The following SLC25A26 variants were observed in gnomAD, a reference collection of about 807,000 sequenced individuals.
SLC25A26 encodes solute carrier family 25 member 26, also known as mitochondrial S-adenosylmethionine carrier protein.
A neutral mutation model predicts 37.8 loss-of-function variants in SLC25A26; 36 were observed. The observed-to-expected ratio is 0.95, with a 90% CI of 0.73 to 1.26. SLC25A26 has a LOEUF of 1.26. Ranked by LOEUF, SLC25A26 falls within the 50% of genes most tolerant of loss-of-function variation. The pLI is 0.00. For synonymous variants in SLC25A26, 129 were observed against 122.5 expected (o/e 1.05, Z -0.35); for missense variants, 390 against 331.1 (o/e 1.18, Z -1.38).
At chr3:66,286,142 A>T (rs1350129234) in intron 5 of SLC25A26, among the ~76,000 whole-genome samples, 1 of 152,178 alleles carries the variant, frequency 6.6e-6, no homozygotes, top group Non-Finnish European at 1.5e-5. Context: ...ATTTTCTAAT[A>T]ATCTGTAACT....
intron 1 of SLC25A26, among the ~76,000 whole-genome samples, chr3:66,213,972 A>T (rs922392507): frequency 2.6e-5 from 4 of 152,178 alleles, no homozygotes; most frequent in African/African-American, 9.6e-5. Context: ...ATCTGTCTCA[A>T]AAAAAAGTAA....
chr3:66,349,999 A>T (rs1167578257), intron 6 of SLC25A26, among the ~76,000 whole-genome samples: 4 of 152,198 alleles, frequency 2.6e-5, no homozygotes, highest in Admixed American at 2.0e-4. Context: ...TGTTTTTTAA[A>T]CATCTGAACG....
intron 5 of SLC25A26, among the ~76,000 whole-genome samples, chr3:66,308,728 A>G (rs572703587): frequency 3.6e-4 from 55 of 152,194 alleles, no homozygotes; most frequent in Non-Finnish European, 6.3e-4. Context: ...TGTTTTTAGC[A>G]TGAAGGGGTG....
At chr3:66,273,004 G>C (rs974625644) in intron 5 of SLC25A26, among the ~76,000 whole-genome samples, 19 of 152,210 alleles carry the variant, frequency 1.2e-4, no homozygotes, top group Non-Finnish European at 2.5e-4. Context: ...TAGCATGAAG[G>C]GTTTTTGAAT....
At chr3:66,238,750 A>C (rs1457971967) in intron 2 of SLC25A26, among the ~76,000 whole-genome samples, 1 of 152,140 alleles carries the variant, frequency 6.6e-6, no homozygotes, top group Admixed American at 6.5e-5. Flanking sequence ...ACGTATATTC[A>C]GTAAGTGGAA....
At chr3:66,148,917 G>A (rs1413551708) in intron 1 of SLC25A26, among the ~76,000 whole-genome samples, 1 of 152,166 alleles carries the variant, frequency 6.6e-6, no homozygotes, top group Non-Finnish European at 1.5e-5. Context: ...ATTAGGGTTT[G>A]AATGCATCTT....
intron 1 of SLC25A26, among the ~76,000 whole-genome samples, chr3:66,224,430 ACCATCAGAT>A (rs1161688296): frequency 6.6e-6 from 1 of 152,212 alleles, no homozygotes; most frequent in Non-Finnish European, 1.5e-5. Flanking sequence ...CCTTTATAAA[ACCATCAGAT>A]CCTGTGAGAC....
Position 66,266,510 on chromosome 3 carries a change from T to G in SLC25A26, c.453+3131T>G, listed in dbSNP as rs553256361. Among the ~76,000 whole-genome samples, 4 of 152,178 alleles carry G rather than the reference T, an allele frequency of 2.6e-5. No homozygotes were observed. In the East Asian group the frequency reaches 7.7e-4, roughly 29 times the overall value. ...TAGCAGTTGCCCATTAGAATGAGAT[T>G]GAAGTTTGAGTCCATGCATTATAAG... On this transcript the variant is annotated intron_variant, in intron 5 of 9. Transcript: ENST00000354883.
intron 5 of SLC25A26, among the ~76,000 whole-genome samples, chr3:66,338,585 G>A (rs2076141841): frequency 1.3e-5 from 2 of 152,014 alleles, no homozygotes; most frequent in Non-Finnish European, 2.9e-5. Context: ...TAAAGTGTAA[G>A]ATTCAGTATC....
At chr3:66,368,031 G>A (rs890275806) in intron 7 of SLC25A26, among the ~76,000 whole-genome samples, 4 of 152,126 alleles carry the variant, frequency 2.6e-5, no homozygotes, top group African/African-American at 9.7e-5. Flanking sequence ...GGCATAAATA[G>A]GTACACCTTT....
chr3:66,260,636 G>A (rs1047596132), intron 3 of SLC25A26, among the ~76,000 whole-genome samples: 2 of 152,150 alleles, frequency 1.3e-5, no homozygotes, highest in Non-Finnish European at 2.9e-5. Flanking sequence ...TGGTGTCTTT[G>A]TCCCACTTGT....
At chr3:66,263,431 T>G (rs1320641543) in intron 5 of SLC25A26, 52 bp downstream of exon 5, 12 of 1,174,240 alleles carry the variant, frequency 1.0e-5, no homozygotes, top group Non-Finnish European at 1.3e-5. Context: ...TGTCCTTTGT[T>G]CAGTAAATTT....
chr3:66,262,805 G>A (rs568603938), intron 4 of SLC25A26, among the ~76,000 whole-genome samples: 17 of 152,294 alleles, frequency 1.1e-4, no homozygotes, highest in African/African-American at 3.6e-4. Context: ...TAACTTCCCC[G>A]TTGAACTATG....
At chr3:66,141,960 T>C (rs1326158621) in intron 1 of SLC25A26, among the ~76,000 whole-genome samples, 2 of 152,258 alleles carry the variant, frequency 1.3e-5, no homozygotes, top group Non-Finnish European at 2.9e-5. Context: ...AATATTTATT[T>C]ATTTTCACTT....
Position 66,176,968 on chromosome 3 carries a change from G to A in SLC25A26, c.-354+42984G>A, listed in dbSNP as rs530429027. Among the ~76,000 whole-genome samples the A allele has an allele frequency of 7.2e-5, 11 of 152,258 alleles. No individual in the cohort carries two copies. The South Asian group carries it at 1.2e-3, about 17-fold the overall frequency. On this transcript the variant is annotated intron_variant, in intron 1 of 10. Transcript: ENST00000676754. ...GTTATCCTGATGATAAATAACCTTC[G>A]TAGGTCTTTTTCTGGCCCTATAGAG... is the stretch of plus-strand genomic sequence containing the variant.
chr3:66,139,368 A>T (rs1419925390), intron 1 of SLC25A26, among the ~76,000 whole-genome samples: 1 of 152,222 alleles, frequency 6.6e-6, no homozygotes, highest in Non-Finnish European at 1.5e-5. Flanking sequence ...GCTCTACTTG[A>T]CAGTTGTGAG....
chr3:66,167,187 T>G (rs998872550), intron 1 of SLC25A26, among the ~76,000 whole-genome samples: 4 of 152,186 alleles, frequency 2.6e-5, no homozygotes, highest in Admixed American at 2.6e-4. Context: ...GGTAAAGGGT[T>G]CCATTGTTCA....
intron 6 of SLC25A26, among the ~76,000 whole-genome samples, chr3:66,350,009 G>A (rs771709513): frequency 6.6e-5 from 10 of 152,086 alleles, no homozygotes; most frequent in African/African-American, 1.9e-4. Flanking sequence ...ACATCTGAAC[G>A]TACAATCACA....
intron 5 of SLC25A26, among the ~76,000 whole-genome samples, chr3:66,273,482 A>G (rs958502306): frequency 1.3e-5 from 2 of 152,132 alleles, no homozygotes; most frequent in Admixed American, 6.6e-5. Context: ...ATTGGTCGAC[A>G]TGATTGTATA....
Sources: gnomAD v4.1 joint callset for allele counts (sites outside exome capture counted in the v4.1 genomes callset) on GRCh38, gnomAD v4.1.1 for gene constraint, MANE v1.5 for transcripts, NCBI Gene and HGNC (gene_info 2026-07-23, HGNC 2026-07-21) for gene names.